Variants in MCPH1 observed in about 807,000 individuals in gnomAD.
MCPH1 encodes the protein microcephalin 1.
A neutral mutation model predicts 84.5 loss-of-function variants in MCPH1; 104 were observed. That is an observed-to-expected ratio of 1.23 (90% CI 1.05 to 1.45). The LOEUF (loss-of-function observed/expected upper bound fraction) is 1.45, where lower values mean the gene tolerates loss of function less well. Ranked by LOEUF, MCPH1 falls within the 40% of genes most tolerant of loss-of-function variation. The pLI is 0.00. For missense variants in MCPH1, 1,498 were observed against 1,005.7 expected, an observed-to-expected ratio of 1.49 and a Z score of -6.62; for synonymous variants, 514 against 366.8, an observed-to-expected ratio of 1.40 and a Z score of -4.58.
chr8:6,484,772 A>G (rs568103918), intron 11 of MCPH1, among the ~76,000 whole-genome samples: 1 of 152,348 alleles, frequency 6.6e-6, no homozygotes, highest in African/African-American at 2.4e-5. Context: ...TCAGAAGGTC[A>G]CATGCTGTAT....
chr8:6,636,934 T>A (rs1385472910), intron 13 of MCPH1, among the ~76,000 whole-genome samples: 6 of 152,224 alleles, frequency 3.9e-5, no homozygotes, highest in Non-Finnish European at 5.9e-5. Context: ...GAGTCACACA[T>A]AAACGGCAGA....
intron 12 of MCPH1, among the ~76,000 whole-genome samples, chr8:6,574,546 A>C (rs945942269): frequency 7.2e-5 from 11 of 152,250 alleles, no homozygotes; most frequent in African/African-American, 2.7e-4. Context: ...CGATGTTTAA[A>C]GATGAAAGTA....
intron 12 of MCPH1, among the ~76,000 whole-genome samples, chr8:6,538,709 G>A (rs1238527263): frequency 1.3e-5 from 2 of 152,122 alleles, no homozygotes; most frequent in East Asian, 3.9e-4. Flanking sequence ...AAACCATTTT[G>A]TATTTGTGTC....
intron 12 of MCPH1, among the ~76,000 whole-genome samples, chr8:6,617,657 C>G (rs1436403510): frequency 6.6e-6 from 1 of 151,824 alleles, no homozygotes; most frequent in Non-Finnish European, 1.5e-5. Context: ...AAATTAGAAT[C>G]ATTGGTTTTT....
At chr8:6,459,218 T>A (rs1203669841) in intron 9 of MCPH1, among the ~76,000 whole-genome samples, 4 of 152,226 alleles carry the variant, frequency 2.6e-5, no homozygotes, top group Non-Finnish European at 5.9e-5. Flanking sequence ...CTTATTTTGT[T>A]CCTTGTTAGA....
At chr8:6,546,324 C>G (rs1472999317) in intron 12 of MCPH1, among the ~76,000 whole-genome samples, 1 of 152,136 alleles carries the variant, frequency 6.6e-6, no homozygotes, top group Non-Finnish European at 1.5e-5. Flanking sequence ...AGCAGTTCAC[C>G]GTTTCAACAG....
intron 13 of MCPH1, among the ~76,000 whole-genome samples, chr8:6,631,809 T>C (rs946991205): frequency 1.3e-5 from 2 of 152,242 alleles, no homozygotes; most frequent in African/African-American, 2.4e-5. Flanking sequence ...GTAGAATTAC[T>C]GTATGATCCA....
intron 8 of MCPH1, among the ~76,000 whole-genome samples, chr8:6,448,463 GAA>G (rs558120719): frequency 1.3e-3 from 193 of 152,332 alleles, no homozygotes; most frequent in Non-Finnish European, 1.7e-3. Flanking sequence ...GTTTTGTTTT[GAA>G]GTGTGATGAG....
At chr8:6,609,660 CCTGATGCGCTTTTA>C (rs1406574817) in intron 12 of MCPH1, among the ~76,000 whole-genome samples, 10 of 152,184 alleles carry the variant, frequency 6.6e-5, no homozygotes, top group Admixed American at 2.0e-4. Flanking sequence ...GAGCGATTAT[CCTGATGCGCTTTTA>C]CTTTTTGCAT....
At chr8:6,563,874 C>T (rs1586647348) in intron 12 of MCPH1, among the ~76,000 whole-genome samples, 1 of 152,234 alleles carries the variant, frequency 6.6e-6, no homozygotes, top group Admixed American at 6.5e-5. Context: ...AAAAAAACTC[C>T]ACTTGGATAT....
chr8:6,607,606 T>A (rs931309992), intron 12 of MCPH1, among the ~76,000 whole-genome samples: 2 of 152,186 alleles, frequency 1.3e-5, no homozygotes, highest in Non-Finnish European at 2.9e-5. Flanking sequence ...TCAATTCCCA[T>A]GTGTTATGGG....
chr8:6,416,291 ATG>A (rs1799288758), intron 3 of MCPH1, among the ~76,000 whole-genome samples: 1 of 1,006 alleles, frequency 9.9e-4, no homozygotes, highest in East Asian at 0.045. Context: ...ATGTCATGTC[ATG>A]TCATGTCATG....
At chr8:6,409,019 G>C (rs1161487310) in intron 1 of MCPH1, among the ~76,000 whole-genome samples, 1 of 151,952 alleles carries the variant, frequency 6.6e-6, no homozygotes, top group Non-Finnish European at 1.5e-5. Context: ...CCAGTAGCTG[G>C]GATTACAGGT....
intron 10 of MCPH1, among the ~76,000 whole-genome samples, 158 bp downstream of exon 10, chr8:6,477,789 A>G (rs1191408068): frequency 6.6e-6 from 1 of 152,262 alleles, no homozygotes; most frequent in African/African-American, 2.4e-5. Flanking sequence ...AAAATTAAAC[A>G]TGTACCAAAT....
chr8:6,503,979 G>A (rs1360308027), intron 12 of MCPH1, among the ~76,000 whole-genome samples: 2 of 152,170 alleles, frequency 1.3e-5, no homozygotes, highest in African/African-American at 2.4e-5. Context: ...TCAGATACCT[G>A]AAGTCAGCTG....
rs565293847 is a variant in MCPH1 at position 6,439,068 on chromosome 8, G to A, written c.552G>A (p.Lys184=). 24 of 1,613,356 alleles carry A rather than the reference G, an allele frequency of 1.5e-5. No individual in the cohort carries two copies. In the East Asian group the frequency reaches 4.7e-4, roughly 31 times the overall value. ...SAMEKRLQEM[K]EKRENLSPTS... ...TGGAGAAGAGATTACAAGAGATGAA[G>A]GAGAAAAGGGAAAATCTTTCCCCCA... The change falls in exon 6 of 14, where the codon AAG becomes AAA. Residue 184 remains lysine (K), a synonymous_variant. Transcript: ENST00000344683.
At chr8:6,614,518 G>T (rs1348308319) in intron 12 of MCPH1, among the ~76,000 whole-genome samples, 1 of 152,228 alleles carries the variant, frequency 6.6e-6, no homozygotes, top group Admixed American at 6.5e-5. Flanking sequence ...CCTTTGTCCA[G>T]TGCCCATGTG....
chr8:6,629,237 C>G (rs940998632), intron 13 of MCPH1, among the ~76,000 whole-genome samples: 2 of 152,170 alleles, frequency 1.3e-5, no homozygotes, highest in African/African-American at 2.4e-5. Context: ...CCAGGGCCGG[C>G]AGATCACTTG....
chr8:6,483,583 G>C (rs930524922), intron 11 of MCPH1, among the ~76,000 whole-genome samples: 3 of 152,190 alleles, frequency 2.0e-5, no homozygotes, highest in Non-Finnish European at 4.4e-5. Context: ...AGTGGTGCTG[G>C]AGCAGTTGGA....
Sources: gnomAD v4.1 joint callset for allele counts (sites outside exome capture counted in the v4.1 genomes callset) on GRCh38, gnomAD v4.1.1 for gene constraint, MANE v1.5 for transcripts, NCBI Gene and HGNC (gene_info 2026-07-23, HGNC 2026-07-21) for gene names.